The following SLIT2 variants were observed in gnomAD, a reference collection of about 807,000 sequenced individuals.
SLIT2 encodes the protein slit guidance ligand 2.
A neutral mutation model predicts 185.7 loss-of-function variants in SLIT2; 41 were observed. That is an observed-to-expected ratio of 0.22 (90% CI 0.17 to 0.29). The LOEUF (loss-of-function observed/expected upper bound fraction) is 0.29, where lower values mean the gene tolerates loss of function less well. SLIT2 is among the 10% of genes least tolerant of loss of function. The pLI is 1.00. For synonymous variants in SLIT2, 693 were observed against 680.2 expected (o/e 1.02, Z -0.29); for missense variants, 1,571 against 1,909.0 (o/e 0.82, Z 3.30).
At chr4:20,473,025 T>C (rs569121247) in intron 5 of SLIT2, among the ~76,000 whole-genome samples, 2 of 151,808 alleles carry the variant, frequency 1.3e-5, no homozygotes, top group Admixed American at 1.3e-4. Context: ...TTACCGTTGG[T>C]TTTTTAGTGA....
intron 34 of SLIT2, among the ~76,000 whole-genome samples, chr4:20,611,944 A>G (rs1013856871): frequency 5.3e-5 from 8 of 152,212 alleles, no homozygotes; most frequent in Non-Finnish European, 1.5e-5. Flanking sequence ...ATAAAGCAGA[A>G]AGGGAACAAA....
chr4:20,256,672 G>A lies in SLIT2; in HGVS notation c.180G>A (p.Leu60=), dbSNP rs1329882495. Residue 60 remains leucine (L), a splice_region_variant and synonymous_variant, in exon 2 of 37, where the codon CTG becomes CTA. Coordinates refer to ENST00000504154, the MANE Select transcript of SLIT2 (RefSeq NM_004787.4). The part of the protein sequence containing the change: ...PRNIPRNTER[L]DLNGNNITRI... The stretch of plus-strand genomic sequence containing the variant: ...TTTCACTTTCTGGTTTTTCTCTTAG[G>A]GATTTAAATGGAAATAACATCACAA... 1 of 1,523,926 alleles carries A rather than the reference G, an allele frequency of 6.6e-7. No individual in the cohort carries two copies. Among genetic ancestry groups the A allele is most frequent in the Non-Finnish European group, 9.0e-7 (1 of 1,111,222 alleles). 94.4% of individuals were successfully genotyped at this position (1,523,926 alleles called of 1,614,324 possible).
chr4:20,422,191 G>C (rs1728221908), intron 4 of SLIT2, among the ~76,000 whole-genome samples: 1 of 152,128 alleles, frequency 6.6e-6, no homozygotes. Flanking sequence ...CATTGTCAAT[G>C]TGAATTATAG....
intron 20 of SLIT2, among the ~76,000 whole-genome samples, chr4:20,542,197 T>G (rs1040392355): frequency 1.1e-4 from 16 of 152,186 alleles, no homozygotes; most frequent in African/African-American, 3.9e-4. Context: ...TCACTTTGCA[T>G]TTACATATTG....
chr4:20,613,194 C>G (rs1239074913), intron 34 of SLIT2, among the ~76,000 whole-genome samples: 1 of 152,150 alleles, frequency 6.6e-6, no homozygotes, highest in Non-Finnish European at 1.5e-5. Context: ...CATAAAGACA[C>G]AGGCATGCAT....
chr4:20,427,309 T>C (rs937972208), intron 4 of SLIT2, among the ~76,000 whole-genome samples: 23 of 152,170 alleles, frequency 1.5e-4, no homozygotes, highest in Non-Finnish European at 2.6e-4. Flanking sequence ...TATAAAACAT[T>C]AAGAGTATGT....
intron 4 of SLIT2, among the ~76,000 whole-genome samples, chr4:20,370,318 A>G (rs949870407): frequency 1.3e-5 from 2 of 152,110 alleles, no homozygotes; most frequent in African/African-American, 4.8e-5. Context: ...TCAATCGATT[A>G]TCTTTTTCCT....
At chr4:20,375,804 G>A (rs1434589734) in intron 4 of SLIT2, among the ~76,000 whole-genome samples, 3 of 151,750 alleles carry the variant, frequency 2.0e-5, no homozygotes, top group Non-Finnish European at 2.9e-5. Context: ...AAAAAAAAAG[G>A]GACAGTGTCA....
In SLIT2 at chr4:20,472,586, A is replaced by C. The variant is rs1327133004; in HGVS notation, c.467+4763A>C. Among the ~76,000 whole-genome samples the C allele has an allele frequency of 2.0e-3, 64 of 31,304 alleles. 24 individuals are homozygous for C. Among genetic ancestry groups the C allele is most frequent in the Non-Finnish European group, 2.5e-3 (52 of 21,036 alleles). The allele number at this position is 31,304 out of a possible 152,430, so 20.5% of individuals were successfully genotyped here. A position where few individuals can be genotyped will look rare whatever the true frequency, so the allele number is the denominator to read the frequency against. On this transcript the variant is annotated intron_variant, in intron 5 of 36. Transcript: ENST00000504154. ...TATCTATATATAGATATATCTATAT[A>C]TAGATATATATCTATAGATATATCT... is the stretch of plus-strand genomic sequence containing the variant.
At chr4:20,464,307 G>A (rs541249634) in intron 4 of SLIT2, among the ~76,000 whole-genome samples, 2 of 152,052 alleles carry the variant, frequency 1.3e-5, no homozygotes, top group Non-Finnish European at 2.9e-5. Flanking sequence ...GGAAGAACCC[G>A]TGTCCTCCTC....
At chr4:20,282,545 G>T (rs1351372454) in intron 4 of SLIT2, among the ~76,000 whole-genome samples, 1 of 152,058 alleles carries the variant, frequency 6.6e-6, no homozygotes, top group East Asian at 1.9e-4. Flanking sequence ...ATATTTCAAA[G>T]AAGTGATACC....
chr4:20,595,635 A>G, intron 30 of SLIT2, 62 bp from the exon 31 acceptor site: 4 of 1,596,400 alleles, frequency 2.5e-6, no homozygotes, highest in Non-Finnish European at 3.4e-6. Flanking sequence ...TCTAGATAAA[A>G]TGCATTGTTT....
At chr4:20,448,521 A>T (rs752973512) in intron 4 of SLIT2, among the ~76,000 whole-genome samples, 2 of 152,136 alleles carry the variant, frequency 1.3e-5, no homozygotes, top group Non-Finnish European at 2.9e-5. Context: ...GGGTTTTGCC[A>T]TGTTGGAGAG....
intron 4 of SLIT2, among the ~76,000 whole-genome samples, chr4:20,327,385 T>C (rs1274172060): frequency 6.6e-6 from 1 of 151,984 alleles, no homozygotes; most frequent in South Asian, 2.1e-4. Flanking sequence ...TCACATAATA[T>C]CAATTGCTAG....
chr4:20,277,425 T>C (rs1189422374), intron 4 of SLIT2, among the ~76,000 whole-genome samples: 1 of 151,980 alleles, frequency 6.6e-6, no homozygotes, highest in Non-Finnish European at 1.5e-5. Flanking sequence ...TCTAGACTAA[T>C]ATATTAAAAT....
chr4:20,536,962 C>G (rs1171431105), intron 18 of SLIT2, among the ~76,000 whole-genome samples: 1 of 152,134 alleles, frequency 6.6e-6, no homozygotes, highest in African/African-American at 2.4e-5. Flanking sequence ...ACTGTCATCT[C>G]CCTCCACACC....
intron 13 of SLIT2, 25 bp from the exon 14 acceptor site, chr4:20,523,986 TAAA>T: frequency 6.2e-7 from 1 of 1,613,786 alleles, no homozygotes; most frequent in Non-Finnish European, 8.5e-7. Flanking sequence ...AAGTCATCTA[TAAA>T]ACTGTTCTGT....
intron 11 of SLIT2, among the ~76,000 whole-genome samples, chr4:20,518,584 TATA>T (rs1278028281): frequency 3.7e-5 from 1 of 26,694 alleles, no homozygotes; most frequent in Non-Finnish European, 6.2e-5. Flanking sequence ...TATATATATA[TATA>T]TTTTTTTTTT....
chr4:20,341,208 G>A (rs898949921), intron 4 of SLIT2, among the ~76,000 whole-genome samples: 1 of 152,178 alleles, frequency 6.6e-6, no homozygotes, highest in Non-Finnish European at 1.5e-5. Flanking sequence ...CTGCTCAGAC[G>A]CATAGACTTT....
Sources: gnomAD v4.1 joint callset for allele counts (sites outside exome capture counted in the v4.1 genomes callset) on GRCh38, gnomAD v4.1.1 for gene constraint, MANE v1.5 for transcripts, NCBI Gene and HGNC (gene_info 2026-07-23, HGNC 2026-07-21) for gene names.